Variants in UBL3 observed in about 807,000 individuals in gnomAD.
The protein encoded by UBL3 is ubiquitin like 3.
UBL3 carries 6 observed loss-of-function variants against 18.4 expected under a neutral mutation model. That is an observed-to-expected ratio of 0.33 (90% CI 0.18 to 0.64). The LOEUF is 0.64. Ranked by LOEUF, UBL3 falls within the 30% of genes least tolerant of loss-of-function variation. The pLI, the probability that UBL3 is intolerant of heterozygous loss-of-function variation, is 0.76. For synonymous variants in UBL3, 49 were observed against 46.6 expected (o/e 1.05, Z -0.21); for missense variants, 109 against 142.9 (o/e 0.76, Z 1.21).
At chr13:29,771,794 TC>T (rs1876847430) in intron 3 of UBL3, among the ~76,000 whole-genome samples, 1 of 152,056 alleles carries the variant, frequency 6.6e-6, no homozygotes, top group African/African-American at 2.4e-5. Context: ...GTGTGTCCAG[TC>T]TTAAGTTTAA....
At chr13:29,776,556 C>T (rs1876997193) in intron 2 of UBL3, among the ~76,000 whole-genome samples, 1 of 151,908 alleles carries the variant, frequency 6.6e-6, no homozygotes. Context: ...AGCCACCATC[C>T]CTGGCTGCAT....
chr13:29,777,222 C>T lies in UBL3; in HGVS notation c.69G>A (p.Glu23=). The change falls in exon 2 of 5, where the codon GAG becomes GAA. Residue 23 remains glutamate, a synonymous_variant. Coordinates refer to ENST00000380680, the MANE Select transcript of UBL3 (RefSeq NM_007106.4). ...RLILVSGKTK[E]FLFSPNDSAS... The stretch of plus-strand genomic sequence containing the variant: ...CAGAATCGTTAGGAGAAAACAGGAA[C>T]TCTTTTGTTTTTCCGCTTACCAAAA... The T allele has an allele frequency of 6.2e-7, 1 of 1,610,044 alleles. No homozygotes were observed. The highest frequency in any genetic ancestry group is 1.1e-5 in the South Asian group (1 of 89,918).
chr13:29,787,335 T>G (rs2139320967), intron 1 of UBL3, among the ~76,000 whole-genome samples: 1 of 152,290 alleles, frequency 6.6e-6, no homozygotes, highest in East Asian at 1.9e-4. Context: ...ATATCCATCA[T>G]CAGTTTAGTA....
chr13:29,779,700 G>A (rs145986594), intron 1 of UBL3, among the ~76,000 whole-genome samples: 43 of 152,240 alleles, frequency 2.8e-4, no homozygotes, highest in African/African-American at 9.4e-4. Flanking sequence ...GATCTGACAT[G>A]AACAGATAGC....
At chr13:29,779,028 C>G (rs1365745778) in intron 1 of UBL3, among the ~76,000 whole-genome samples, 1 of 152,158 alleles carries the variant, frequency 6.6e-6, no homozygotes, top group Non-Finnish European at 1.5e-5. Flanking sequence ...TACCAAATAG[C>G]TGAATACAGG....
At chr13:29,847,349 T>C (rs148814652) in intron 1 of UBL3, among the ~76,000 whole-genome samples, 25 of 152,374 alleles carry the variant, frequency 1.6e-4, no homozygotes, top group African/African-American at 6.0e-4. Context: ...TTACATAATA[T>C]TGCTTTGCCC....
chr13:29,827,286 T>TA (rs1276071365), intron 1 of UBL3, among the ~76,000 whole-genome samples: 9 of 152,224 alleles, frequency 5.9e-5, no homozygotes, highest in Admixed American at 4.6e-4. Context: ...AGTGGGGTGT[T>TA]AAAGTCTCCC....
chr13:29,814,683 T>G (rs1878223841), intron 1 of UBL3, among the ~76,000 whole-genome samples: 1 of 152,138 alleles, frequency 6.6e-6, no homozygotes, highest in African/African-American at 2.4e-5. Context: ...AGACCAGAGT[T>G]TTATTAAAGA....
At chr13:29,824,846 C>T (rs904492497) in intron 1 of UBL3, among the ~76,000 whole-genome samples, 1 of 152,196 alleles carries the variant, frequency 6.6e-6, no homozygotes, top group Non-Finnish European at 1.5e-5. Flanking sequence ...TTAGGTCTAA[C>T]ATTTAAATCT....
At chr13:29,795,600 G>A (rs930619303) in intron 1 of UBL3, among the ~76,000 whole-genome samples, 2 of 151,718 alleles carry the variant, frequency 1.3e-5, no homozygotes, top group African/African-American at 2.4e-5. Flanking sequence ...TCTTTTAGGT[G>A]TTTATATATT....
Position 29,800,382 on chromosome 13 carries a change from A to G in UBL3, c.28-23119T>C, listed in dbSNP as rs547402720. Among the ~76,000 whole-genome samples, 3 of 152,300 alleles carry G rather than the reference A, an allele frequency of 2.0e-5. No homozygotes were observed. The East Asian group carries it at 5.8e-4, about 29-fold the overall frequency. On this transcript the variant is annotated intron_variant, in intron 1 of 4. Transcript: ENST00000380680. ...AATGAGTAGGCAGATTTGAGGAGAG[A>G]GAGGAGCACTTGAACAGTGTAAGCC...
At chr13:29,787,614 G>C (rs920014642) in intron 1 of UBL3, among the ~76,000 whole-genome samples, 1 of 152,120 alleles carries the variant, frequency 6.6e-6, no homozygotes, top group Non-Finnish European at 1.5e-5. Context: ...AGGATACAAG[G>C]TAACAGCTTT....
intron 1 of UBL3, among the ~76,000 whole-genome samples, chr13:29,820,155 G>C (rs975886049): frequency 1.4e-5 from 2 of 147,142 alleles, no homozygotes. Context: ...CCCACTGAGA[G>C]GCCCTCAGAG....
rs530512686 is a variant in UBL3, at chr13:29,835,103, T to TAA, written c.27+14408_27+14409insTT. ...ATATAAATATAAATATATATATATA[T>TAA]ATAAATATATATATATATATAAATA... On this transcript the variant is annotated intron_variant, in intron 1 of 4. Transcript: ENST00000380680. 5.7e-3 allele frequency among the ~76,000 whole-genome samples: 146 copies of TAA among 25,748 alleles called. 3 individuals carry two copies. Among genetic ancestry groups the TAA allele is most frequent in the African/African-American group, 0.013 (34 of 2,676 alleles). The allele number at this position is 25,748 out of a possible 152,430, so 16.9% of individuals were successfully genotyped here. A position where few individuals can be genotyped will look rare whatever the true frequency, so the allele number is the denominator to read the frequency against.
At chr13:29,811,861 T>C (rs1272986917) in intron 1 of UBL3, among the ~76,000 whole-genome samples, 2 of 152,046 alleles carry the variant, frequency 1.3e-5, no homozygotes, top group South Asian at 2.1e-4. Context: ...TGGTTGGTTG[T>C]TTTTGCAGCT....
At chr13:29,817,418 T>C (rs1878310550) in intron 1 of UBL3, among the ~76,000 whole-genome samples, 1 of 152,184 alleles carries the variant, frequency 6.6e-6, no homozygotes, top group African/African-American at 2.4e-5. Flanking sequence ...TCCAATGTTT[T>C]AATCACTGCT....
At chr13:29,785,551 T>C (rs1762878946) in intron 1 of UBL3, among the ~76,000 whole-genome samples, 1 of 152,212 alleles carries the variant, frequency 6.6e-6, no homozygotes. Flanking sequence ...TATGAATTTA[T>C]AAAGGGCATA....
intron 3 of UBL3, among the ~76,000 whole-genome samples, chr13:29,771,882 C>G (rs538820338): frequency 6.6e-6 from 1 of 151,908 alleles, no homozygotes; most frequent in Non-Finnish European, 1.5e-5. Context: ...TAGAATCCTA[C>G]CTATACTGGG....
At chr13:29,774,796 T>A (rs1489516094) in intron 2 of UBL3, among the ~76,000 whole-genome samples, 2 of 152,120 alleles carry the variant, frequency 1.3e-5, no homozygotes, top group Admixed American at 1.3e-4. Flanking sequence ...AAAATCTGTA[T>A]TTTCATTTTA....
Sources: gnomAD v4.1 joint callset for allele counts (sites outside exome capture counted in the v4.1 genomes callset) on GRCh38, gnomAD v4.1.1 for gene constraint, MANE v1.5 for transcripts, NCBI Gene and HGNC (gene_info 2026-07-23, HGNC 2026-07-21) for gene names.